GATAD2B: variants seen among roughly 807,000 people sequenced by gnomAD.
GATAD2B encodes GATA zinc finger domain containing 2B.
A neutral mutation model predicts 64.3 loss-of-function variants in GATAD2B; 8 were observed. The observed-to-expected ratio is 0.12, with a 90% CI of 0.07 to 0.22. The LOEUF (loss-of-function observed/expected upper bound fraction) is 0.22, where lower values mean the gene tolerates loss of function less well. Among genes scored for constraint, GATAD2B ranks in the 10% least tolerant of loss-of-function variants. The pLI is 1.00. For missense variants in GATAD2B, 453 were observed against 752.0 expected, an observed-to-expected ratio of 0.60 and a Z score of 4.65; for synonymous variants, 281 against 271.3, an observed-to-expected ratio of 1.04 and a Z score of -0.35.
intron 1 of GATAD2B, among the ~76,000 whole-genome samples, chr1:153,879,887 C>T (rs1557819210): frequency 6.6e-6 from 1 of 151,468 alleles, no homozygotes; most frequent in Non-Finnish European, 1.5e-5. Flanking sequence ...AAAATTGTAA[C>T]ACTTGCAATG....
At chr1:153,884,308 T>C (rs750381670) in intron 1 of GATAD2B, among the ~76,000 whole-genome samples, 3 of 152,200 alleles carry the variant, frequency 2.0e-5, no homozygotes, top group Non-Finnish European at 4.4e-5. Context: ...GGCGTGGTGA[T>C]GGCGGGTGCC....
intron 1 of GATAD2B, among the ~76,000 whole-genome samples, chr1:153,874,284 GGAAA>G (rs1013889872): frequency 2.0e-5 from 3 of 151,480 alleles, no homozygotes; most frequent in African/African-American, 7.3e-5. Flanking sequence ...AAAGAGAGAG[GGAAA>G]GAAATTTATT....
intron 1 of GATAD2B, among the ~76,000 whole-genome samples, chr1:153,918,011 G>C (rs1191037508): frequency 2.6e-5 from 4 of 152,198 alleles, no homozygotes; most frequent in African/African-American, 9.7e-5. Flanking sequence ...AAACCTAGCT[G>C]TTTTCCCACT....
At chr1:153,873,866 T>C (rs1676744269) in intron 1 of GATAD2B, among the ~76,000 whole-genome samples, 1 of 152,146 alleles carries the variant, frequency 6.6e-6, no homozygotes, top group African/African-American at 2.4e-5. Flanking sequence ...GGAGGACTGC[T>C]TGAGCCTAGG....
In GATAD2B at chr1:153,811,566, A is replaced by C. The variant is rs796429545; in HGVS notation, c.1648+165T>G. ...CCCTAGTGCATTGTGGGTGGCACTT[A>C]ATATGAATTTAGCAAACATTTGCTG... On this transcript the variant is annotated intron_variant, in intron 10 of 10. Coordinates refer to ENST00000368655, the MANE Select transcript of GATAD2B (RefSeq NM_020699.4). 8.6e-6 allele frequency: 6 copies of C among 697,286 alleles called. 1 individual carries two copies. The African/African-American group carries it at 1.1e-4, about 13-fold the overall frequency. 43.2% of individuals were successfully genotyped at this position (697,286 alleles called of 1,614,324 possible).
chr1:153,892,425 A>G (rs974529433), intron 1 of GATAD2B, among the ~76,000 whole-genome samples: 1 of 152,128 alleles, frequency 6.6e-6, no homozygotes, highest in African/African-American at 2.4e-5. Context: ...GGAAAAATAA[A>G]TAAACTGATA....
intron 1 of GATAD2B, among the ~76,000 whole-genome samples, chr1:153,845,658 G>A (rs1314323853): frequency 1.4e-5 from 2 of 146,476 alleles, no homozygotes; most frequent in Non-Finnish European, 3.0e-5. Flanking sequence ...CTGCAAGGGG[G>A]GGTGAGGTGG....
chr1:153,868,844 C>T (rs1676563790), intron 1 of GATAD2B, among the ~76,000 whole-genome samples: 1 of 151,564 alleles, frequency 6.6e-6, no homozygotes, highest in Non-Finnish European at 1.5e-5. Flanking sequence ...AAGCCATTCT[C>T]CTGCCTCAGC....
chr1:153,819,586 A>C lies in GATAD2B; in HGVS notation c.465+20T>G, dbSNP rs377321418. ...TAGAAGGAGCATAACAAGAAGAAAG[A>C]AATTTTTCTTTCTTTTTACCTTAAA... On this transcript the variant is annotated intron_variant, in intron 3 of 10. Transcript: ENST00000368655. The C allele has an allele frequency of 3.2e-5, 50 of 1,552,006 alleles. No homozygotes were observed. The highest frequency in any genetic ancestry group is 4.3e-5 in the Non-Finnish European group (49 of 1,145,094).
chr1:153,878,077 C>T (rs11585871), intron 1 of GATAD2B, among the ~76,000 whole-genome samples: 24 of 152,028 alleles, frequency 1.6e-4, no homozygotes, highest in Non-Finnish European at 2.9e-4. Flanking sequence ...GAAAAGTAGG[C>T]TCCAGCTCCT....
rs184416270 is a variant in GATAD2B, at chr1:153,840,565, G to A, written c.-1-12217C>T. On this transcript the variant is annotated intron_variant, in intron 1 of 10. Transcript: ENST00000368655. ...TTGGTGAAGCTGGTCTCGAACTCCC[G>A]ACCTCAGGTGATCCACCCGCCTCAG... 8.1e-3 allele frequency among the ~76,000 whole-genome samples: 1,227 copies of A among 151,922 alleles called. 8 individuals are homozygous for A. The highest frequency in any genetic ancestry group is 0.013 in the Non-Finnish European group (878 of 67,960).
intron 6 of GATAD2B, 38 bp downstream of exon 6, chr1:153,817,332 GAT>G: frequency 6.9e-7 from 1 of 1,458,218 alleles, no homozygotes; most frequent in South Asian, 1.5e-5. Context: ...CAAACAAAGG[GAT>G]TTCTCTGTTT....
At chr1:153,852,203 G>T in intron 1 of GATAD2B, 1 of 1,013,732 alleles carries the variant, frequency 9.9e-7, no homozygotes, top group Non-Finnish European at 1.6e-6. Flanking sequence ...GGGTGAAAGG[G>T]ACCTACCAGC....
At chr1:153,810,444 G>T in intron 10 of GATAD2B, 134 bp from the exon 11 acceptor site, 1 of 817,296 alleles carries the variant, frequency 1.2e-6, no homozygotes, top group South Asian at 1.6e-5. Context: ...CACTTGGTTA[G>T]CTTTATTTCA....
intron 1 of GATAD2B, among the ~76,000 whole-genome samples, chr1:153,874,018 G>C (rs1010988310): frequency 6.6e-6 from 1 of 152,106 alleles, no homozygotes; most frequent in African/African-American, 2.4e-5. Flanking sequence ...TCAGCACTTT[G>C]GGAGGCCGAG....
chr1:153,873,761 T>C (rs548324206), intron 1 of GATAD2B, among the ~76,000 whole-genome samples: 42 of 152,102 alleles, frequency 2.8e-4, no homozygotes, highest in South Asian at 2.7e-3. Flanking sequence ...CTAGGCAACA[T>C]AGTGAGACCC....
intron 1 of GATAD2B, among the ~76,000 whole-genome samples, chr1:153,921,068 T>C (rs1355707439): frequency 2.0e-5 from 3 of 152,174 alleles, no homozygotes; most frequent in African/African-American, 7.2e-5. Flanking sequence ...CCTTCCCAAC[T>C]AAGTACTGAC....
chr1:153,817,853 G>A (rs1384671271), intron 5 of GATAD2B, among the ~76,000 whole-genome samples, 187 bp downstream of exon 5: 1 of 152,046 alleles, frequency 6.6e-6, no homozygotes, highest in Admixed American at 6.6e-5. Context: ...AAACTACAGT[G>A]GAAACATGAA....
At chr1:153,819,839 C>T in intron 2 of GATAD2B, 104 bp from the exon 3 acceptor site, 1 of 971,380 alleles carries the variant, frequency 1.0e-6, no homozygotes, top group East Asian at 2.7e-5. Flanking sequence ...TGGCTCACTC[C>T]TGTAATCCTA....
Sources: allele counts gnomAD v4.1 joint callset (sites outside exome capture counted in the v4.1 genomes callset), GRCh38; gene constraint gnomAD v4.1.1; transcripts MANE v1.5; gene names NCBI Gene and HGNC (gene_info 2026-07-23, HGNC 2026-07-21).